Variants in FAM117A observed in about 807,000 individuals in gnomAD.
FAM117A encodes the protein family with sequence similarity 117 member A.
A neutral mutation model predicts 44.1 loss-of-function variants in FAM117A; 21 were observed. The observed-to-expected ratio is 0.48, with a 90% CI of 0.34 to 0.69. FAM117A has a LOEUF of 0.69. Among genes scored for constraint, FAM117A ranks in the 30% least tolerant of loss-of-function variants. The pLI is 0.01. For synonymous variants in FAM117A, 220 were observed against 238.3 expected, an observed-to-expected ratio of 0.92 and a Z score of 0.71; for missense variants, 498 against 589.9, an observed-to-expected ratio of 0.84 and a Z score of 1.61.
At position 49,778,145 on chromosome 17, in the gene FAM117A, T is replaced by C. The variant is rs74648428; in HGVS notation, c.-621+10352A>G. ...GTCTATACATGTAAAGGAACCCTTC[T>C]TGACCCTATTCATACTTTTCTTTTT... On this transcript the variant is annotated intron_variant, in intron 1 of 7. Transcript: ENST00000513602. 2.6e-3 allele frequency among the ~76,000 whole-genome samples: 403 copies of C among 152,362 alleles called. 3 individuals carry two copies. The highest frequency in any genetic ancestry group is 0.017 in the Middle Eastern group (5 of 294).
chr17:49,755,120 C>G (rs991972639), intron 1 of FAM117A, among the ~76,000 whole-genome samples: 2 of 151,328 alleles, frequency 1.3e-5, no homozygotes, highest in African/African-American at 4.9e-5. Context: ...GGAACACAGA[C>G]TCTGTGGACA....
chr17:49,749,546 T>C (rs1013343742), intron 1 of FAM117A, among the ~76,000 whole-genome samples: 35 of 118,780 alleles, frequency 2.9e-4, no homozygotes, highest in African/African-American at 9.6e-4. Flanking sequence ...CACTGTACTC[T>C]AGCCTGGTGA....
At position 49,763,864 on chromosome 17, in the gene FAM117A, C is replaced by A. The variant is rs574675905; in HGVS notation, c.196+28G>T. 1,231 of 1,201,906 alleles carry A rather than the reference C, an allele frequency of 1.0e-3. 9 individuals carry two copies. The African/African-American group carries it at 0.018, about 17-fold the overall frequency. The allele number at this position is 1,201,906 out of a possible 1,614,324, so 74.5% of individuals were successfully genotyped here. A position where few individuals can be genotyped will look rare whatever the true frequency, so the allele number is the denominator to read the frequency against. ...CCCCCCCTCCCCCAATGGCTCCTTC[C>A]ACGGCACCCGCTCCAGGCCCGGCTC... On this transcript the variant is annotated intron_variant, in intron 1 of 7. Transcript: ENST00000240364.
intron 7 of FAM117A, 43 bp downstream of exon 7, chr17:49,716,122 G>GGC: frequency 1.1e-5 from 17 of 1,580,844 alleles, no homozygotes; most frequent in Non-Finnish European, 1.4e-5. Context: ...GAGAATGTAG[G>GGC]CCCACCCTCC....
At chr17:49,716,069 A>T (rs773010874) in intron 7 of FAM117A, 96 bp downstream of exon 7, 1 of 1,386,634 alleles carries the variant, frequency 7.2e-7, no homozygotes, top group Non-Finnish European at 1.0e-6. Flanking sequence ...TAAAGTTGAC[A>T]ACACCTCTAT....
intron 1 of FAM117A, among the ~76,000 whole-genome samples, chr17:49,776,560 G>A (rs1464362490): frequency 7.9e-5 from 12 of 152,158 alleles, no homozygotes; most frequent in East Asian, 1.9e-4. Flanking sequence ...ACTATTCTGC[G>A]AAAGGATTAT....
At chr17:49,782,308 C>T (rs563018595) in intron 1 of FAM117A, among the ~76,000 whole-genome samples, 15 of 125,666 alleles carry the variant, frequency 1.2e-4, no homozygotes, top group Admixed American at 1.0e-3. Flanking sequence ...ACCTGGGAGG[C>T]GGAGCTTGCA....
chr17:49,766,826 C>CGACA (rs2073747090), upstream of FAM117A, among the ~76,000 whole-genome samples: 2 of 152,164 alleles, frequency 1.3e-5, no homozygotes, highest in African/African-American at 4.8e-5. Flanking sequence ...AAAAATAAGG[C>CGACA]GACACATTAT....
chr17:49,732,766 A>C (rs2073591936), intron 1 of FAM117A, 46 bp from the exon 2 acceptor site: 1 of 1,585,472 alleles, frequency 6.3e-7, no homozygotes, highest in African/African-American at 1.3e-5. Context: ...GCATGGAGGA[A>C]GGAGACGTGG....
intron 1 of FAM117A, among the ~76,000 whole-genome samples, chr17:49,778,619 A>G (rs745455784): frequency 1.3e-5 from 2 of 152,256 alleles, no homozygotes; most frequent in Non-Finnish European, 2.9e-5. Flanking sequence ...CAAATACTAT[A>G]TAAATGTGTG....
chr17:49,786,074 T>C (rs1018842568), intron 1 of FAM117A, among the ~76,000 whole-genome samples: 5 of 152,214 alleles, frequency 3.3e-5, no homozygotes, highest in African/African-American at 4.8e-5. Context: ...GATCCTCCCC[T>C]TCCCCATTCT....
chr17:49,717,475 C>T, intron 6 of FAM117A, 38 bp downstream of exon 6: 2 of 1,600,102 alleles, frequency 1.2e-6, no homozygotes, highest in Non-Finnish European at 1.7e-6. Context: ...CTCATGTGCC[C>T]CAGAGTCAGC....
At chr17:49,732,886 C>CAA in intron 1 of FAM117A, 166 bp from the exon 2 acceptor site, 2 of 688,970 alleles carry the variant, frequency 2.9e-6, no homozygotes, top group Non-Finnish European at 4.8e-6. Context: ...TATGGTCTGA[C>CAA]AAGACCTTTC....
chr17:49,744,799 A>G (rs1298203978), intron 1 of FAM117A, among the ~76,000 whole-genome samples: 1 of 151,248 alleles, frequency 6.6e-6, no homozygotes, highest in Non-Finnish European at 1.5e-5. Flanking sequence ...GGATCACTTG[A>G]GCCCAGGAGT....
intron 2 of FAM117A, 22 bp downstream of exon 2, chr17:49,732,529 C>T (rs1208742696): frequency 1.2e-6 from 2 of 1,613,380 alleles, no homozygotes; most frequent in African/African-American, 2.7e-5. Flanking sequence ...TCCCTTATCC[C>T]ATCAGGAGAG....
intron 1 of FAM117A, among the ~76,000 whole-genome samples, chr17:49,746,158 G>T (rs181224666): frequency 6.6e-6 from 1 of 152,264 alleles, no homozygotes. Flanking sequence ...GGTATGTCTA[G>T]ACACACATAT....
At chr17:49,716,043 G>T in intron 7 of FAM117A, 122 bp downstream of exon 7, 1 of 1,068,062 alleles carries the variant, frequency 9.4e-7, no homozygotes, top group Non-Finnish European at 1.4e-6. Context: ...ATGGAAAGCT[G>T]GCAATACTTA....
chr17:49,732,015 AC>A (rs1361065932), intron 2 of FAM117A, among the ~76,000 whole-genome samples: 1 of 152,054 alleles, frequency 6.6e-6, no homozygotes, highest in Non-Finnish European at 1.5e-5. Context: ...CAAACTCTTG[AC>A]CTCAGGTGAT....
Position 49,711,539 on chromosome 17 carries a change from G to C in FAM117A, c.1078C>G (p.Leu360Val). 6.2e-7 allele frequency: 1 copy of C among 1,614,006 alleles called. No individual in the cohort carries two copies. The highest frequency in any genetic ancestry group is 1.6e-4 in the Middle Eastern group (1 of 6,062). ...TCAGGACAGGAAGTCAGGAAGGCCAGGTCAGGACCTGGAGACCTGGAGGAT... is the reference window on the plus strand; with the variant it reads ...TCAGGACAGGAAGTCAGGAAGGCCACGTCAGGACCTGGAGACCTGGAGGAT... Reference protein sequence around the residue: ...FEEATSPGPDLAFLTSCPDKN... With the variant: ...FEEATSPGPDVAFLTSCPDKN... The change falls in exon 8 of 8, where the codon CTG becomes GTG. Residue 360 changes from leucine (L) to valine (V), a missense_variant. Physicochemically the swap from Leu to Val is conservative, Grantham distance 32. This residue lies in a region of FAM117A where 224 missense variants were observed against 296.5 expected (regional missense o/e 0.76). Transcript: ENST00000240364.
Sources: allele counts gnomAD v4.1 joint callset (sites outside exome capture counted in the v4.1 genomes callset), GRCh38; gene constraint gnomAD v4.1.1; regional missense constraint gnomAD v4.1.1; transcripts MANE v1.5; gene names NCBI Gene and HGNC (gene_info 2026-07-23, HGNC 2026-07-21).